The following PDE1C variants were observed in gnomAD, a reference collection of about 807,000 sequenced individuals.
PDE1C encodes the protein dual specificity calcium/calmodulin-dependent 3',5'-cyclic nucleotide phosphodiesterase 1C.
PDE1C carries 62 observed loss-of-function variants against 93.1 expected under a neutral mutation model. The observed-to-expected ratio is 0.67, with a 90% CI of 0.54 to 0.82. The LOEUF is 0.82. Ranked by LOEUF, PDE1C falls within the 40% of genes least tolerant of loss-of-function variation. The pLI, the probability that PDE1C is intolerant of heterozygous loss-of-function variation, is 0.00. For synonymous variants in PDE1C, 325 were observed against 310.1 expected (o/e 1.05, Z -0.50); for missense variants, 742 against 884.6 (o/e 0.84, Z 2.04).
intron 2 of PDE1C, among the ~76,000 whole-genome samples, chr7:32,196,898 T>C (rs1182276747): frequency 6.6e-6 from 1 of 152,122 alleles, no homozygotes; most frequent in Non-Finnish European, 1.5e-5. Flanking sequence ...GATTTGTAGG[T>C]TTTCAGTTAA....
rs139881885 is a variant in PDE1C, at chr7:32,137,937, C to T, written c.308+31848G>A. Among the ~76,000 whole-genome samples the T allele has an allele frequency of 1.8e-3, 269 of 152,184 alleles. 1 individual carries two copies. The highest frequency in any genetic ancestry group is 5.8e-3 in the African/African-American group (239 of 41,528). ...TCAATTGTGTCATAATTTAGCATAC[C>T]TTTTATGTCAAAATCCCCAGGTTTT... On this transcript the variant is annotated intron_variant, in intron 3 of 18. Transcript: ENST00000396193.
intron 2 of PDE1C, among the ~76,000 whole-genome samples, chr7:31,965,913 G>T (rs1329532947): frequency 6.6e-6 from 1 of 152,146 alleles, no homozygotes; most frequent in Non-Finnish European, 1.5e-5. Context: ...AATGCTGAGA[G>T]ATTTGGTCAC....
At chr7:32,071,156 C>G, upstream of PDE1C, 1 of 985,338 alleles carries the variant, frequency 1.0e-6, no homozygotes, top group Non-Finnish European at 1.2e-6. Flanking sequence ...CGCAGGGCAG[C>G]CGCGGCCACC....
the PDE1C span, chr7:31,643,393 G>C: frequency 1.9e-6 from 3 of 1,613,978 alleles, no homozygotes; most frequent in South Asian, 3.3e-5. Context: ...TGGAGATCCT[G>C]CCCAGGTGAA....
chr7:32,402,380 G>A (rs371889751), intron 1 of PDE1C, among the ~76,000 whole-genome samples: 34 of 152,236 alleles, frequency 2.2e-4, no homozygotes, highest in African/African-American at 7.7e-4. Flanking sequence ...GGAAGCCTAA[G>A]AACCAGGACA....
intron 16 of PDE1C, chr7:31,785,723 C>CATGTTCAT (rs1313300426): frequency 1.3e-5 from 2 of 152,132 alleles, no homozygotes; most frequent in Non-Finnish European, 2.9e-5. Flanking sequence ...TCCCTGGGAA[C>CATGTTCAT]ATGTTCATGA....
chr7:32,265,864 G>A lies in PDE1C; in HGVS notation c.85+32787C>T, dbSNP rs529316060. Among the ~76,000 whole-genome samples the A allele has an allele frequency of 1.1e-4, 16 of 152,220 alleles. No homozygotes were observed. In the East Asian group the frequency reaches 2.9e-3, roughly 28 times the overall value. Reference sequence around the variant, plus strand: ...TCAGGGAAGGCTGCATGAAAGAGGTGGTATTTGGACAAGCTCCTAATGAAT... The same window carrying A: ...TCAGGGAAGGCTGCATGAAAGAGGTAGTATTTGGACAAGCTCCTAATGAAT... On this transcript the variant is annotated intron_variant, in intron 1 of 18. Coordinates refer to the PDE1C transcript ENST00000396193.
intron 16 of PDE1C, among the ~76,000 whole-genome samples, chr7:31,792,919 G>C (rs1256215010): frequency 1.3e-5 from 2 of 152,018 alleles, no homozygotes; most frequent in African/African-American, 4.8e-5. Context: ...CCACATCTTG[G>C]AATAATTCAG....
chr7:32,220,882 C>T (rs1021068938), intron 1 of PDE1C, among the ~76,000 whole-genome samples: 1 of 152,156 alleles, frequency 6.6e-6, no homozygotes, highest in Non-Finnish European at 1.5e-5. Flanking sequence ...GGATCCCCTA[C>T]AACATCCCAA....
chr7:31,983,688 C>G (rs2129062706), intron 2 of PDE1C, among the ~76,000 whole-genome samples: 1 of 152,242 alleles, frequency 6.6e-6, no homozygotes, highest in Admixed American at 6.5e-5. Context: ...CTGCACAGAC[C>G]TTTAGTGTCT....
At chr7:31,814,024 GTGTGTGTGTGTGTGTATA>G (rs1168229044) in intron 15 of PDE1C, among the ~76,000 whole-genome samples, 3 of 141,534 alleles carry the variant, frequency 2.1e-5, no homozygotes, top group Non-Finnish European at 4.6e-5. Context: ...TCCATCGTGT[GTGTGTGTGTGTGTGTATA>G]CATATATATG....
chr7:32,274,901 A>G (rs1445815862), intron 1 of PDE1C, among the ~76,000 whole-genome samples: 3 of 152,258 alleles, frequency 2.0e-5, no homozygotes, highest in Admixed American at 2.0e-4. Context: ...AAGGACATGC[A>G]TATAATGTTT....
intron 1 of PDE1C, among the ~76,000 whole-genome samples, chr7:32,242,698 G>T (rs1269697345): frequency 2.0e-5 from 3 of 152,162 alleles, no homozygotes; most frequent in Non-Finnish European, 2.9e-5. Context: ...TAAGGAGGAT[G>T]CAAGAACAAT....
chr7:32,028,247 A>G (rs922227800), intron 2 of PDE1C, among the ~76,000 whole-genome samples: 1 of 152,186 alleles, frequency 6.6e-6, no homozygotes, highest in African/African-American at 2.4e-5. Context: ...ACATGTGGCT[A>G]GTGGTTACCA....
chr7:31,790,350 G>A, intron 16 of PDE1C: 2 of 1,091,584 alleles, frequency 1.8e-6, no homozygotes, highest in Non-Finnish European at 2.7e-6. Context: ...AGGAAATCTA[G>A]GGGACCAAAA....
At chr7:32,052,482 T>A (rs2128690176) in intron 1 of PDE1C, among the ~76,000 whole-genome samples, 2 of 152,284 alleles carry the variant, frequency 1.3e-5, no homozygotes, top group East Asian at 3.9e-4. Flanking sequence ...AGAGTTTCAA[T>A]AGGCTCAGCA....
chr7:31,839,834 C>T (rs577438219), intron 9 of PDE1C, among the ~76,000 whole-genome samples: 2 of 152,050 alleles, frequency 1.3e-5, no homozygotes, highest in Non-Finnish European at 2.9e-5. Context: ...GTCAGGAGTT[C>T]GAGACTAGCC....
At chr7:31,628,586 C>T in the PDE1C span, among the ~76,000 whole-genome samples, 16 of 151,856 alleles carry the variant, frequency 1.1e-4, no homozygotes, top group Non-Finnish European at 2.9e-5. Context: ...GCCTCCCCAG[C>T]AGCTGGGACT....
rs563609801 is a variant in PDE1C at position 31,830,162 on chromosome 7, C to T, written c.1204-1789G>A. Among the ~76,000 whole-genome samples the T allele has an allele frequency of 5.9e-5, 9 of 151,530 alleles. No individual in the cohort carries two copies. The South Asian group carries it at 1.9e-3, about 32-fold the overall frequency. ...AAAGCTTATTTTTAAAACAGAGGTA[C>T]TTGAATTCCCTTTGGAAAGCAGATA... On this transcript the variant is annotated intron_variant, in intron 11 of 17. Coordinates refer to ENST00000396191, the MANE Select transcript of PDE1C (RefSeq NM_001191057.4).
Sources: gnomAD v4.1 joint callset for allele counts (sites outside exome capture counted in the v4.1 genomes callset) on GRCh38, gnomAD v4.1.1 for gene constraint, MANE v1.5 for transcripts, NCBI Gene and HGNC (gene_info 2026-07-23, HGNC 2026-07-21) for gene names.